Variants in UBE2QL1 observed in about 807,000 individuals in gnomAD.
The protein encoded by UBE2QL1 is ubiquitin conjugating enzyme E2 QL1, also known as ubiquitin-conjugating enzyme E2Q-like protein 1.
UBE2QL1 carries 5 observed loss-of-function variants against 12.6 expected under a neutral mutation model. The observed-to-expected ratio is 0.40, with a 90% CI of 0.21 to 0.83. The LOEUF is 0.83. Ranked by LOEUF, UBE2QL1 falls within the 40% of genes least tolerant of loss-of-function variation. The pLI is 0.37. For missense variants in UBE2QL1, 99 were observed against 222.6 expected (o/e 0.44, Z 3.53); for synonymous variants, 96 against 94.5 (o/e 1.02, Z -0.10).
At chr5:6,485,696 ACGTAAGCAG>A (rs1185558635) in intron 1 of UBE2QL1, among the ~76,000 whole-genome samples, 1 of 152,222 alleles carries the variant, frequency 6.6e-6, no homozygotes, top group Non-Finnish European at 1.5e-5. Flanking sequence ...TCAAAACTTT[ACGTAAGCAG>A]TCTGAAAATT....
chr5:6,461,702 C>A (rs1192807318), intron 1 of UBE2QL1, among the ~76,000 whole-genome samples: 1 of 152,154 alleles, frequency 6.6e-6, no homozygotes, highest in African/African-American at 2.4e-5. Context: ...ACCTGCCCTA[C>A]AGTGCTCAGA....
rs1734320781 is a variant in UBE2QL1 at position 6,479,726 on chromosome 5, C to T, written c.355-11492C>T. On this transcript the variant is annotated intron_variant, in intron 1 of 1. Coordinates refer to ENST00000399816, the MANE Select transcript of UBE2QL1 (RefSeq NM_001145161.3). This position sits in a 1 kb window ranked among gnomAD's most constrained non-coding sequence, Gnocchi z 4.2. ...GTGGAGTGCAGCATCCTGGGTGCGG[C>T]CCAAGAAAAGCAGCTTCCTTTTGCA... 6.6e-6 allele frequency among the ~76,000 whole-genome samples: 1 copy of T among 152,126 alleles called. No individual in the cohort carries two copies. Among genetic ancestry groups the T allele is most frequent in the African/African-American group, 2.4e-5 (1 of 41,414 alleles).
chr5:6,466,364 TC>T, intron 1 of UBE2QL1, among the ~76,000 whole-genome samples: 1 of 152,260 alleles, frequency 6.6e-6, no homozygotes, highest in Non-Finnish European at 1.5e-5. Flanking sequence ...ATCTGCCTCC[TC>T]CCACAGCCTC....
intron 1 of UBE2QL1, among the ~76,000 whole-genome samples, chr5:6,454,134 G>A (rs1050839808): frequency 1.3e-5 from 2 of 152,024 alleles, no homozygotes; most frequent in Non-Finnish European, 2.9e-5. Context: ...CTCCCACCTC[G>A]GCCTCCCAGA....
chr5:6,465,318 A>G lies in UBE2QL1; in HGVS notation c.354+16071A>G, dbSNP rs1030393290. On this transcript the variant is annotated intron_variant, in intron 1 of 1. Transcript: ENST00000399816. The stretch of plus-strand genomic sequence containing the variant: ...TTAGTTTTCTTAGACCTTTAAAAGC[A>G]ACAACAAATATTTAGAATTACATAA... 4.6e-5 allele frequency among the ~76,000 whole-genome samples: 7 copies of G among 152,344 alleles called. No individual in the cohort carries two copies. The East Asian group carries it at 1.2e-3, about 25-fold the overall frequency.
At position 6,494,049 on chromosome 5, in the gene UBE2QL1, A is replaced by G. The variant is rs185127449; in HGVS notation, c.*2700A>G. ...CATGTCCCGATAGCTCCACACACCC[A>G]TGTATCTGTGGGAACTCAAACCAAG... On this transcript the variant is annotated 3_prime_UTR_variant, in exon 2 of 2. Transcript: ENST00000399816. The G allele has an allele frequency of 1.7e-3, 258 of 152,388 alleles. 1 individual carries two copies. The highest frequency in any genetic ancestry group is 2.2e-3 in the Non-Finnish European group (148 of 68,074). 9.4% of individuals were successfully genotyped at this position (152,388 alleles called of 1,614,324 possible).
Position 6,492,327 on chromosome 5 carries a change from T to A in UBE2QL1, c.*978T>A, listed in dbSNP as rs1031962048. 6.6e-6 allele frequency: 1 copy of A among 152,274 alleles called. No homozygotes were observed. The highest frequency in any genetic ancestry group is 2.4e-5 in the African/African-American group (1 of 41,478). The allele number at this position is 152,274 out of a possible 1,614,324, so 9.4% of individuals were successfully genotyped here. ...GATACCAAGTGATCATACGATGATT[T>A]GCATGATCGGGTCTATTTCACCCAA... On this transcript the variant is annotated 3_prime_UTR_variant, in exon 2 of 2. Coordinates refer to ENST00000399816, the MANE Select transcript of UBE2QL1 (RefSeq NM_001145161.3).
In UBE2QL1 at chr5:6,489,679, G is replaced by A. The variant is rs148829132; in HGVS notation, c.355-1539G>A. Among the ~76,000 whole-genome samples the A allele has an allele frequency of 1.1e-4, 16 of 152,338 alleles. 1 individual carries two copies. The highest frequency in any genetic ancestry group is 3.8e-4 in the African/African-American group (16 of 41,580). On this transcript the variant is annotated intron_variant, in intron 1 of 1. Transcript: ENST00000399816. ...TCCACTCCACGTTTCAGGTGGTTGG[G>A]CACCGTCTGCCCAGTAGATTTAGAG...
chr5:6,483,559 C>G (rs1233220973), intron 1 of UBE2QL1, among the ~76,000 whole-genome samples: 7 of 152,220 alleles, frequency 4.6e-5, no homozygotes, highest in Admixed American at 3.9e-4. Flanking sequence ...CCTGAGGACA[C>G]CGCATCACCT....
At chr5:6,475,351 ATTC>A (rs1314697619) in intron 1 of UBE2QL1, among the ~76,000 whole-genome samples, 6 of 152,324 alleles carry the variant, frequency 3.9e-5, no homozygotes, top group African/African-American at 1.2e-4. Flanking sequence ...TCTTGATTAC[ATTC>A]TTAAGACTCT....
intron 1 of UBE2QL1, among the ~76,000 whole-genome samples, chr5:6,471,262 T>A (rs73036262): frequency 0.022 from 3,382 of 152,322 alleles, 144 homozygotes; most frequent in African/African-American, 0.077. Context: ...TAAAACTCAG[T>A]GTCTTGAAGA....
At chr5:6,465,180 T>C (rs1739760280) in intron 1 of UBE2QL1, among the ~76,000 whole-genome samples, 1 of 151,984 alleles carries the variant, frequency 6.6e-6, no homozygotes, top group African/African-American at 2.4e-5. Flanking sequence ...AGAGATGGGG[T>C]TTCACCACAT....
Position 6,452,058 on chromosome 5 carries a change from G to C in UBE2QL1, c.354+2811G>C, listed in dbSNP as rs536589172. ...TTCATAAGCTGCAGAGTTAGAAAAGGCTGGTTTGCTTCTTTTATAGAGGAA... is the reference window on the plus strand; with the variant it reads ...TTCATAAGCTGCAGAGTTAGAAAAGCCTGGTTTGCTTCTTTTATAGAGGAA... On this transcript the variant is annotated intron_variant, in intron 1 of 1. Coordinates refer to ENST00000399816, the MANE Select transcript of UBE2QL1 (RefSeq NM_001145161.3). Among the ~76,000 whole-genome samples, 32 of 152,262 alleles carry C rather than the reference G, an allele frequency of 2.1e-4. No individual in the cohort carries two copies. In the East Asian group the frequency reaches 6.0e-3, roughly 28 times the overall value.
At chr5:6,473,644 G>T (rs1734149185) in intron 1 of UBE2QL1, among the ~76,000 whole-genome samples, 1 of 152,206 alleles carries the variant, frequency 6.6e-6, no homozygotes, top group South Asian at 2.1e-4. Context: ...GGCAATTCTA[G>T]CATCTACAAA....
At position 6,481,092 on chromosome 5, in the gene UBE2QL1, A is replaced by G. The variant is rs1371593725; in HGVS notation, c.355-10126A>G. Reference sequence around the variant, plus strand: ...AAACCAAGTAACCATCACACATCTCAGATGACTGTTTTTCAAGAGTTGGCC... The same window carrying G: ...AAACCAAGTAACCATCACACATCTCGGATGACTGTTTTTCAAGAGTTGGCC... On this transcript the variant is annotated intron_variant, in intron 1 of 1. Coordinates refer to ENST00000399816, the MANE Select transcript of UBE2QL1 (RefSeq NM_001145161.3). The surrounding 1 kb of genome is among the most constrained non-coding windows in gnomAD (Gnocchi z 4.5). 6.6e-6 allele frequency among the ~76,000 whole-genome samples: 1 copy of G among 152,242 alleles called. No individual in the cohort carries two copies. The highest frequency in any genetic ancestry group is 1.5e-5 in the Non-Finnish European group (1 of 68,040).
At chr5:6,477,461 G>A (rs1054333819) in intron 1 of UBE2QL1, among the ~76,000 whole-genome samples, 1 of 152,158 alleles carries the variant, frequency 6.6e-6, no homozygotes, top group East Asian at 1.9e-4. Flanking sequence ...GTGCCCGGAG[G>A]CCCTACAACC....
chr5:6,463,682 C>T (rs1739724896), intron 1 of UBE2QL1, among the ~76,000 whole-genome samples: 2 of 150,162 alleles, frequency 1.3e-5, no homozygotes, highest in African/African-American at 4.9e-5. Context: ...GGCTGGAGTG[C>T]AGTGGCGCGA....
chr5:6,473,443 C>T (rs73739324), intron 1 of UBE2QL1, among the ~76,000 whole-genome samples: 1,960 of 152,290 alleles, frequency 0.013, 48 homozygotes, highest in African/African-American at 0.045. Flanking sequence ...CATCAGCGCC[C>T]GACTGTCTCC....
chr5:6,459,881 C>G (rs2126332375), intron 1 of UBE2QL1, among the ~76,000 whole-genome samples: 1 of 152,214 alleles, frequency 6.6e-6, no homozygotes, highest in East Asian at 1.9e-4. Flanking sequence ...AATTGCAGTT[C>G]AAAGTTAGTG....
Sources: gnomAD v4.1 joint callset for allele counts (sites outside exome capture counted in the v4.1 genomes callset) on GRCh38, gnomAD v4.1.1 for gene constraint, Gnocchi (gnomAD v3.1) non-coding constraint, MANE v1.5 for transcripts, NCBI Gene and HGNC (gene_info 2026-07-23, HGNC 2026-07-21) for gene names.